ADGRL3: variants seen among roughly 807,000 people sequenced by gnomAD.
ADGRL3 encodes adhesion G protein-coupled receptor L3.
Under a neutral mutation model 153.5 loss-of-function variants are expected in ADGRL3, and 62 were observed. The observed-to-expected ratio is 0.40, with a 90% CI of 0.33 to 0.50. The LOEUF is 0.50. Ranked by LOEUF, ADGRL3 falls within the 20% of genes least tolerant of loss-of-function variation. The probability of loss-of-function intolerance (pLI) is 0.47; values close to 1 mark genes in which losing one functional copy is unlikely to be tolerated. For missense variants in ADGRL3, 1,641 were observed against 1,859.4 expected, an observed-to-expected ratio of 0.88 and a Z score of 2.16; for synonymous variants, 710 against 672.5, an observed-to-expected ratio of 1.06 and a Z score of -0.86.
At chr4:61,922,453 A>C (rs2098774261) in intron 13 of ADGRL3, among the ~76,000 whole-genome samples, 1 of 152,166 alleles carries the variant, frequency 6.6e-6, no homozygotes, top group Non-Finnish European at 1.5e-5. Flanking sequence ...ATTTATAATA[A>C]TTAATGAACC....
chr4:61,933,216 T>A (rs1240115150), intron 13 of ADGRL3, among the ~76,000 whole-genome samples: 1 of 152,174 alleles, frequency 6.6e-6, no homozygotes, highest in Non-Finnish European at 1.5e-5. Context: ...GGAATACTTC[T>A]TTACACTGAA....
intron 1 of ADGRL3, among the ~76,000 whole-genome samples, chr4:61,322,710 T>C (rs968330786): frequency 6.6e-6 from 1 of 152,216 alleles, no homozygotes; most frequent in Non-Finnish European, 1.5e-5. Context: ...TGTGTTCTCA[T>C]GGTCTGGGGC....
At position 61,644,761 on chromosome 4, in the gene ADGRL3, G is replaced by A. The variant is rs1318503860; in HGVS notation, c.474-32065G>A. On this transcript the variant is annotated intron_variant, in intron 5 of 26. Transcript: ENST00000683033. ...TTGGTGCTGAAAAAATGTATATTCT[G>A]TTGATTTGGGGTGGAGAGTTCTGGA... Among the ~76,000 whole-genome samples the A allele has an allele frequency of 3.3e-5, 5 of 152,266 alleles. No homozygotes were observed. In the East Asian group the frequency reaches 9.7e-4, roughly 29 times the overall value.
chr4:61,693,101 T>A (rs2095570556), intron 6 of ADGRL3, among the ~76,000 whole-genome samples: 1 of 152,012 alleles, frequency 6.6e-6, no homozygotes, highest in African/African-American at 2.4e-5. Context: ...TAAGAATAGG[T>A]TTTTTTATTA....
intron 4 of ADGRL3, among the ~76,000 whole-genome samples, chr4:61,525,408 G>T (rs1000721998): frequency 2.6e-5 from 4 of 152,110 alleles, no homozygotes; most frequent in African/African-American, 7.2e-5. Flanking sequence ...CACGGGGAAA[G>T]AAATAGTGAG....
intron 6 of ADGRL3, 66 bp downstream of exon 6, chr4:61,677,001 A>T: frequency 2.1e-6 from 2 of 973,098 alleles, no homozygotes; most frequent in Non-Finnish European, 3.2e-6. Flanking sequence ...GCATGCATTG[A>T]CAAATATTCT....
intron 1 of ADGRL3, among the ~76,000 whole-genome samples, chr4:61,234,890 C>G (rs1466790738): frequency 6.6e-6 from 1 of 152,112 alleles, no homozygotes; most frequent in Non-Finnish European, 1.5e-5. Context: ...TCATAGACAG[C>G]TGTGAAGTTT....
chr4:61,305,559 T>C (rs1240311822), intron 1 of ADGRL3, among the ~76,000 whole-genome samples: 2 of 152,162 alleles, frequency 1.3e-5, no homozygotes, highest in Non-Finnish European at 2.9e-5. Context: ...GATTGTAGCC[T>C]TGAGGAAATT....
intron 2 of ADGRL3, among the ~76,000 whole-genome samples, chr4:61,405,043 A>T (rs1542403): frequency 0.99 from 151,042 of 152,120 alleles, 74,989 homozygotes; most frequent in Middle Eastern, 1. Flanking sequence ...TGTCAACCCC[A>T]TTCCCAGACT....
chr4:62,009,093 A>G (rs2099172124), intron 21 of ADGRL3, among the ~76,000 whole-genome samples: 1 of 152,144 alleles, frequency 6.6e-6, no homozygotes, highest in Admixed American at 6.6e-5. Context: ...CTACGAAATC[A>G]CCTAAGGACA....
intron 13 of ADGRL3, among the ~76,000 whole-genome samples, chr4:61,930,459 T>C (rs1459350334): frequency 2.0e-5 from 3 of 152,198 alleles, no homozygotes; most frequent in South Asian, 2.1e-4. Context: ...AAAGTTGTCA[T>C]TGCAAAAATA....
At chr4:61,327,075 A>G (rs948193393) in intron 1 of ADGRL3, among the ~76,000 whole-genome samples, 2 of 151,990 alleles carry the variant, frequency 1.3e-5, no homozygotes, top group East Asian at 1.9e-4. Flanking sequence ...ACCAAACTAT[A>G]TATTTCACTT....
intron 9 of ADGRL3, among the ~76,000 whole-genome samples, chr4:61,865,340 G>A (rs181056029): frequency 6.6e-6 from 1 of 152,092 alleles, no homozygotes; most frequent in East Asian, 1.9e-4. Flanking sequence ...TTTGAAGCTT[G>A]TGGGGGTGTC....
In ADGRL3 at chr4:61,692,592, G is replaced by T. The variant is rs557762963; in HGVS notation, c.583+15657G>T. ...CAAGTAACTGAGTTTACAGGCACCT[G>T]CCCCCCATGCCTGGCTAATTTTTGT... is the stretch of plus-strand genomic sequence containing the variant. On this transcript the variant is annotated intron_variant, in intron 6 of 26. Transcript: ENST00000683033. Among the ~76,000 whole-genome samples the T allele has an allele frequency of 3.3e-5, 5 of 151,788 alleles. No homozygotes were observed. The South Asian group carries it at 1.0e-3, about 32-fold the overall frequency.
At chr4:61,498,135 T>C (rs2098341398) in intron 3 of ADGRL3, among the ~76,000 whole-genome samples, 1 of 152,176 alleles carries the variant, frequency 6.6e-6, no homozygotes, top group South Asian at 2.1e-4. Flanking sequence ...GTAATTATTT[T>C]TTCTCTGAGT....
chr4:61,985,940 G>A (rs1291424005), intron 19 of ADGRL3, among the ~76,000 whole-genome samples: 2 of 148,690 alleles, frequency 1.3e-5, no homozygotes, highest in Non-Finnish European at 3.0e-5. Flanking sequence ...CGTTATCTGA[G>A]GTTGTCCCTA....
chr4:61,447,917 C>CCAAA lies in ADGRL3; in HGVS notation c.-173-49200_-173-49197dup, dbSNP rs571371843. ...TTCATATAAAAACAAAACTTGATTTCCAAACAACAACAAAAACAACAACAA... is the reference window on the plus strand; with the variant it reads ...TTCATATAAAAACAAAACTTGATTTCCAAACAAACAACAACAAAAACAACAACAA... On this transcript the variant is annotated intron_variant, in intron 2 of 26. Transcript: ENST00000683033. Among the ~76,000 whole-genome samples, 246 of 152,234 alleles carry CCAAA rather than the reference C, an allele frequency of 1.6e-3. 1 individual carries two copies. Among genetic ancestry groups the CCAAA allele is most frequent in the African/African-American group, 5.7e-3 (237 of 41,556 alleles).
At chr4:61,909,290 C>T (rs529274607) in intron 11 of ADGRL3, among the ~76,000 whole-genome samples, 97 of 152,176 alleles carry the variant, frequency 6.4e-4, no homozygotes, top group African/African-American at 2.2e-3. Flanking sequence ...TTAGACCTAA[C>T]GACCCAAATA....
chr4:61,326,912 G>C (rs1006980232), intron 1 of ADGRL3, among the ~76,000 whole-genome samples: 5 of 151,518 alleles, frequency 3.3e-5, no homozygotes, highest in Non-Finnish European at 7.4e-5. Context: ...GAGTTATTAT[G>C]GTCCACAATA....
Sources: gnomAD v4.1 joint callset for allele counts (sites outside exome capture counted in the v4.1 genomes callset) on GRCh38, gnomAD v4.1.1 for gene constraint, MANE v1.5 for transcripts, NCBI Gene and HGNC (gene_info 2026-07-23, HGNC 2026-07-21) for gene names.